ZNF821: variants seen among roughly 807,000 people sequenced by gnomAD.
The protein encoded by ZNF821 is zinc finger protein 821.
ZNF821 carries 16 observed loss-of-function variants against 44.3 expected under a neutral mutation model. That is an observed-to-expected ratio of 0.36 (90% CI 0.24 to 0.55). The LOEUF (loss-of-function observed/expected upper bound fraction) is 0.55. Among genes scored for constraint, ZNF821 ranks in the 20% least tolerant of loss-of-function variants. ZNF821 has a pLI of 0.86. For missense variants in ZNF821, 436 were observed against 547.6 expected (o/e 0.80, Z 2.03); for synonymous variants, 204 against 197.6 (o/e 1.03, Z -0.27).
At chr16:71,880,073 A>G (rs2036266477) in intron 2 of ZNF821, 50 bp from the exon 3 acceptor site, 1 of 846,090 alleles carries the variant, frequency 1.2e-6, no homozygotes, top group Admixed American at 2.8e-5. Context: ...CCCAGCAGTT[A>G]CACAAAATTT....
Position 71,871,762 on chromosome 16 carries a change from A to G in ZNF821, c.41-3725T>C, listed in dbSNP as rs139730226. Among the ~76,000 whole-genome samples, 117 of 152,202 alleles carry G rather than the reference A, an allele frequency of 7.7e-4. 3 individuals are homozygous for G. The East Asian group carries it at 0.02, about 26-fold the overall frequency. On this transcript the variant is annotated intron_variant, in intron 3 of 7. Coordinates refer to ENST00000425432, the MANE Select transcript of ZNF821 (RefSeq NM_001201552.2). ...AACTACACTCTCACAATAAAAACCA[A>G]GGTGTTCTCTCTCCTTTTATTTTTG... is the stretch of plus-strand genomic sequence containing the variant.
chr16:71,865,706 T>G (rs574195385), intron 4 of ZNF821, among the ~76,000 whole-genome samples: 18 of 152,238 alleles, frequency 1.2e-4, no homozygotes, highest in Non-Finnish European at 2.2e-4. Flanking sequence ...CTTACTCTAC[T>G]ATTGTAACAT....
At position 71,860,204 on chromosome 16, in the gene ZNF821, C is replaced by T. The variant is rs1352841190; in HGVS notation, c.1053G>A (p.Arg351=). 1 of 1,614,246 alleles carries T rather than the reference C, an allele frequency of 6.2e-7. No homozygotes were observed. Among genetic ancestry groups the T allele is most frequent in the African/African-American group, 1.3e-5 (1 of 75,070 alleles). Residue 351 remains arginine, a synonymous_variant, in exon 8 of 8, where the codon CGG becomes CGA. Coordinates refer to ENST00000425432, the MANE Select transcript of ZNF821 (RefSeq NM_001201552.2). This position sits in a 1 kb window ranked among gnomAD's most constrained non-coding sequence, Gnocchi z 7.3. The part of the protein sequence containing the change: ...ARLIREREAK[R]LKRRLEKMDM... ...CCATTTTCTCCAGCCTCCTCTTGAG[C>T]CGCTTGGCCTCTCGCTCTCGGATGA...
upstream of ZNF821, among the ~76,000 whole-genome samples, chr16:71,888,221 T>C (rs190331856): frequency 2.0e-5 from 3 of 152,244 alleles, no homozygotes; most frequent in East Asian, 5.8e-4. Context: ...AAAAATAATA[T>C]TTATTTTTAT....
intron 3 of ZNF821, among the ~76,000 whole-genome samples, chr16:71,871,139 G>A (rs1367747156): frequency 6.6e-6 from 1 of 152,156 alleles, no homozygotes; most frequent in Non-Finnish European, 1.5e-5. Flanking sequence ...AGGCTTTCAT[G>A]GAAAGAGAGA....
rs574306154 is a variant in ZNF821, at chr16:71,883,197, G to A, written c.-78+14C>T. 3 of 456,378 alleles carry A rather than the reference G, an allele frequency of 6.6e-6. No individual in the cohort carries two copies. The highest frequency in any genetic ancestry group is 6.9e-5 in the East Asian group (1 of 14,410). The allele number at this position is 456,378 out of a possible 1,614,324, so 28.3% of individuals were successfully genotyped here. A position where few individuals can be genotyped will look rare whatever the true frequency, so the allele number is the denominator to read the frequency against. On this transcript the variant is annotated intron_variant, in intron 2 of 7. Coordinates refer to ENST00000425432, the MANE Select transcript of ZNF821 (RefSeq NM_001201552.2). The stretch of plus-strand genomic sequence containing the variant: ...GTGAAATCTCAGCTTGATGAAAAGA[G>A]AGTGCGTTCCCACCTCCAGCTCTGG...
chr16:71,860,463 T>C lies in ZNF821; in HGVS notation c.794A>G (p.Glu265Gly). 1.2e-6 allele frequency: 2 copies of C among 1,614,124 alleles called. No individual in the cohort carries two copies. The highest frequency in any genetic ancestry group is 1.7e-6 in the Non-Finnish European group (2 of 1,180,034). Reference protein sequence around the residue: ...VRKWALRRQNEPLEVRLQRLE... With the variant: ...VRKWALRRQNGPLEVRLQRLE... Reference sequence around the variant, plus strand: ...CCGCTGCAGCCGTACTTCCAAAGGCTCATTCTGTCGACGTAGAGCCCACTT... The same window carrying C: ...CCGCTGCAGCCGTACTTCCAAAGGCCCATTCTGTCGACGTAGAGCCCACTT... The change falls in exon 8 of 8, where the codon GAG becomes GGG. Residue 265 changes from glutamate (E) to glycine (G), a missense_variant. Transcript: ENST00000425432. This position sits in a 1 kb window ranked among gnomAD's most constrained non-coding sequence, Gnocchi z 7.3.
intron 1 of ZNF821, chr16:71,883,615 G>GCCGTCCCCGCCGGGGC (rs1214417232): frequency 2.0e-5 from 3 of 152,480 alleles, no homozygotes; most frequent in Non-Finnish European, 4.4e-5. Context: ...AGACGCCGGG[G>GCCGTCCCCGCCGGGGC]CCGTCCCCGC....
intron 3 of ZNF821, among the ~76,000 whole-genome samples, chr16:71,873,403 G>T (rs2035441079): frequency 6.6e-6 from 1 of 152,034 alleles, no homozygotes; most frequent in South Asian, 2.1e-4. Flanking sequence ...CAGCCCGTCA[G>T]CAGTTTTTCC....
At chr16:71,887,532 A>G (rs1182820022), upstream of ZNF821, among the ~76,000 whole-genome samples, 1 of 152,162 alleles carries the variant, frequency 6.6e-6, no homozygotes, top group Non-Finnish European at 1.5e-5. Flanking sequence ...AAGTGCTGGG[A>G]TTACAGGCGT....
intron 3 of ZNF821, among the ~76,000 whole-genome samples, chr16:71,874,943 TAAC>T (rs2035635593): frequency 6.6e-6 from 1 of 152,174 alleles, no homozygotes; most frequent in Non-Finnish European, 1.5e-5. Flanking sequence ...AGTTCCCAAA[TAAC>T]AAATAAATAG....
chr16:71,864,080 G>A, intron 6 of ZNF821, 58 bp downstream of exon 6: 1 of 1,476,042 alleles, frequency 6.8e-7, no homozygotes, highest in Non-Finnish European at 9.5e-7. Flanking sequence ...CCAGGATCTG[G>A]GCTACAGACA....
chr16:71,873,306 A>G (rs1019735186), intron 3 of ZNF821, among the ~76,000 whole-genome samples: 3 of 151,860 alleles, frequency 2.0e-5, no homozygotes, highest in African/African-American at 7.3e-5. Flanking sequence ...TGGGCGACTG[A>G]GCAGGATGCT....
intron 2 of ZNF821, chr16:71,881,360 AG>A (rs1360854615): frequency 2.6e-5 from 4 of 152,236 alleles, no homozygotes; most frequent in Non-Finnish European, 2.9e-5. Context: ...AGGCCTCCAC[AG>A]GAAGTGGCAA....
intron 1 of ZNF821, among the ~76,000 whole-genome samples, chr16:71,892,178 C>CAAGAAA (rs2036889940): frequency 3.1e-5 from 1 of 31,938 alleles, no homozygotes; most frequent in Non-Finnish European, 6.1e-5. Context: ...AACTCCGTCT[C>CAAGAAA]AAAAAAAAAA....
rs2033793250 is a variant in ZNF821 at position 71,860,900 on chromosome 16, G to GGC, written c.585-230_585-229dup. Among the ~76,000 whole-genome samples the GGC allele has an allele frequency of 1.4e-5, 2 of 147,270 alleles. No homozygotes were observed. The highest frequency in any genetic ancestry group is 4.3e-4 in the South Asian group (2 of 4,698). ...AGACAGAGTCTTGCTCTGTCGCCCAGGCTGGAGTACAATGGTGCAATCTCA... is the reference window on the plus strand; with the variant it reads ...AGACAGAGTCTTGCTCTGTCGCCCAGGCGCTGGAGTACAATGGTGCAATCTCA... On this transcript the variant is annotated intron_variant, in intron 7 of 7. Transcript: ENST00000425432. This position sits in a 1 kb window ranked among gnomAD's most constrained non-coding sequence, Gnocchi z 7.3.
Position 71,860,709 on chromosome 16 carries a change from T to C in ZNF821, c.585-37A>G. 1.3e-6 allele frequency: 2 copies of C among 1,592,252 alleles called. No individual in the cohort carries two copies. Among genetic ancestry groups the C allele is most frequent in the Middle Eastern group, 1.7e-4 (1 of 5,956 alleles). On this transcript the variant is annotated intron_variant, in intron 7 of 7. Coordinates refer to ENST00000425432, the MANE Select transcript of ZNF821 (RefSeq NM_001201552.2). This position sits in a 1 kb window ranked among gnomAD's most constrained non-coding sequence, Gnocchi z 7.3. ...ACATTTTGGATGGTTAGTGTTTCCTTCTAGCAAGAGTCGGGACTCCAGCCC... is the reference window on the plus strand; with the variant it reads ...ACATTTTGGATGGTTAGTGTTTCCTCCTAGCAAGAGTCGGGACTCCAGCCC...
chr16:71,863,596 C>T (rs1348102432), intron 6 of ZNF821, among the ~76,000 whole-genome samples: 3 of 151,986 alleles, frequency 2.0e-5, no homozygotes, highest in Non-Finnish European at 1.5e-5. Context: ...GCTATGTTGC[C>T]TAGGCTGGTC....
At chr16:71,880,100 T>C in intron 2 of ZNF821, 77 bp from the exon 3 acceptor site, 1 of 627,162 alleles carries the variant, frequency 1.6e-6, no homozygotes, top group South Asian at 2.7e-5. Flanking sequence ...AAAATGTCCT[T>C]AAAAAACAGC....
Sources: allele counts gnomAD v4.1 joint callset (sites outside exome capture counted in the v4.1 genomes callset), GRCh38; gene constraint gnomAD v4.1.1; non-coding constraint Gnocchi (gnomAD v3.1); transcripts MANE v1.5; gene names NCBI Gene and HGNC (gene_info 2026-07-23, HGNC 2026-07-21).